Variants in FCHSD1 observed in about 807,000 individuals in gnomAD.
FCHSD1 encodes F-BAR and double SH3 domains protein 1.
A neutral mutation model predicts 101.3 loss-of-function variants in FCHSD1; 109 were observed. That is an observed-to-expected ratio of 1.08 (90% CI 0.92 to 1.26). The LOEUF (loss-of-function observed/expected upper bound fraction) is 1.26, where lower values mean the gene tolerates loss of function less well. Among genes scored for constraint, FCHSD1 ranks in the 50% most tolerant of loss-of-function variants. FCHSD1 has a pLI of 0.00. For missense variants in FCHSD1, 820 were observed against 895.8 expected (o/e 0.92, Z 1.08); for synonymous variants, 291 against 356.8 (o/e 0.82, Z 2.08).
rs560685318 is a variant in FCHSD1, at chr5:141,642,090, G to GT, written c.1952-334dup. 1,987 of 513,466 alleles carry GT rather than the reference G, an allele frequency of 3.9e-3. 13 individuals carry two copies. Among genetic ancestry groups the GT allele is most frequent in the Admixed American group, 0.011 (306 of 28,990 alleles). 31.8% of individuals were successfully genotyped at this position (513,466 alleles called of 1,614,324 possible). ...TGAACTTGGGGTGGTGGAGATGGTG[G>GT]TAACTCCAGGGAGGGAGACTCCTTG... is the stretch of plus-strand genomic sequence containing the variant. On this transcript the variant is annotated intron_variant, in intron 18 of 19. Coordinates refer to ENST00000435817, the MANE Select transcript of FCHSD1 (RefSeq NM_033449.3).
chr5:141,646,410 A>G, intron 11 of FCHSD1, 193 bp downstream of exon 11: 1 of 1,015,850 alleles, frequency 9.8e-7, no homozygotes, highest in Admixed American at 2.5e-5. Context: ...GAAGCAACAG[A>G]AGAGAATTTG....
At position 141,639,616 on chromosome 5, in the gene FCHSD1, G is replaced by A. The variant is rs769257857; in HGVS notation, c.*1882C>T. ...TCCAAGGAAGGAAAAAGCCGCCCCC[G>A]GACAGGGGAGACCACTGTGTTCTCT... On this transcript the variant is annotated 3_prime_UTR_variant, in exon 20 of 20. Transcript: ENST00000435817. This position sits in a 1 kb window ranked among gnomAD's most constrained non-coding sequence, Gnocchi z 4.4. 5.0e-6 allele frequency: 8 copies of A among 1,612,692 alleles called. No homozygotes were observed. Among genetic ancestry groups the A allele is most frequent in the Non-Finnish European group, 6.8e-6 (8 of 1,179,728 alleles).
rs2099906882 is a variant in FCHSD1 at position 141,641,353 on chromosome 5, G to A, written c.*145C>T. On this transcript the variant is annotated 3_prime_UTR_variant, in exon 20 of 20. Coordinates refer to ENST00000435817, the MANE Select transcript of FCHSD1 (RefSeq NM_033449.3). Reference sequence around the variant, plus strand: ...GGGTTCCAGCTCTAGAAATGGGAAGGGGCAAGTTTCCACCCTTGGAGGTGA... The same window carrying A: ...GGGTTCCAGCTCTAGAAATGGGAAGAGGCAAGTTTCCACCCTTGGAGGTGA... 1 of 658,558 alleles carries A rather than the reference G, an allele frequency of 1.5e-6. No homozygotes were observed. Among genetic ancestry groups the A allele is most frequent in the Non-Finnish European group, 2.4e-6 (1 of 414,924 alleles). 40.8% of individuals were successfully genotyped at this position (658,558 alleles called of 1,614,324 possible). A position where few individuals can be genotyped will look rare whatever the true frequency, so the allele number is the denominator to read the frequency against.
intron 17 of FCHSD1, among the ~76,000 whole-genome samples, chr5:141,643,379 T>C (rs2099907216): frequency 6.6e-6 from 1 of 152,230 alleles, no homozygotes; most frequent in South Asian, 2.1e-4. Flanking sequence ...ACTCCTATGT[T>C]AGAAGTGAGA....
chr5:141,648,239 C>T (rs534670534), intron 7 of FCHSD1, 143 bp from the exon 8 acceptor site: 19 of 1,003,144 alleles, frequency 1.9e-5, no homozygotes, highest in Non-Finnish European at 2.7e-5. Context: ...ATGTTGCATA[C>T]ACACAACTCC....
chr5:141,644,760 T>C, intron 15 of FCHSD1, 70 bp from the exon 16 acceptor site: 1 of 1,606,216 alleles, frequency 6.2e-7, no homozygotes, highest in Non-Finnish European at 8.5e-7. Flanking sequence ...TCTCTTCTAC[T>C]CAGGCTTCTA....
In FCHSD1 at chr5:141,647,852, T is replaced by C. The variant is rs7735382; in HGVS notation, c.705+116A>G. 3,919 of 1,408,792 alleles carry C rather than the reference T, an allele frequency of 2.8e-3. 82 individuals carry two copies. The African/African-American group carries it at 0.049, about 18-fold the overall frequency. 87.3% of individuals were successfully genotyped at this position (1,408,792 alleles called of 1,614,324 possible). On this transcript the variant is annotated intron_variant, in intron 8 of 19. Coordinates refer to ENST00000435817, the MANE Select transcript of FCHSD1 (RefSeq NM_033449.3). ...CAGAGTGCATGTATGTATCATCTAC[T>C]CACTCTAAACAGACAAGATCCCCTG...
At position 141,643,149 on chromosome 5, in the gene FCHSD1, C is replaced by CTCTCA. The variant is rs139107539; in HGVS notation, c.1864-66_1864-62dup. The CTCTCA allele has an allele frequency of 2.9e-3, 3,760 of 1,307,532 alleles. 86 individuals are homozygous for CTCTCA. The African/African-American group carries it at 0.052, about 18-fold the overall frequency. The allele number at this position is 1,307,532 out of a possible 1,614,324, so 81.0% of individuals were successfully genotyped here. A position where few individuals can be genotyped will look rare whatever the true frequency, so the allele number is the denominator to read the frequency against. Reference sequence around the variant, plus strand: ...TGTGGGGAGGTTTTACCAGCTTTTCCTCTCATCCCATCTCCAGTTCCTTCC... The same window carrying CTCTCA: ...TGTGGGGAGGTTTTACCAGCTTTTCCTCTCATCTCATCCCATCTCCAGTTCCTTCC... On this transcript the variant is annotated intron_variant, in intron 17 of 19. Transcript: ENST00000435817.
chr5:141,639,964 A>G lies in FCHSD1; in HGVS notation c.*1534T>C. ...GAGAAGCGCTATGGACTGCACGAAC[A>G]CCGTGATGGCTCCCCCACAGACAGG... On this transcript the variant is annotated 3_prime_UTR_variant, in exon 20 of 20. Transcript: ENST00000435817. This position sits in a 1 kb window ranked among gnomAD's most constrained non-coding sequence, Gnocchi z 4.4. The G allele has an allele frequency of 6.2e-7, 1 of 1,613,926 alleles. No individual in the cohort carries two copies. The highest frequency in any genetic ancestry group is 8.5e-7 in the Non-Finnish European group (1 of 1,179,992).
chr5:141,644,120 G>A, intron 17 of FCHSD1, 98 bp downstream of exon 17: 1 of 1,182,790 alleles, frequency 8.5e-7, no homozygotes, highest in African/African-American at 1.5e-5. Flanking sequence ...GGTAAAACTG[G>A]GGAGCAGAGG....
In FCHSD1 at chr5:141,649,504, A is replaced by T. The variant is rs746224402; in HGVS notation, c.266T>A (p.Leu89Gln). The T allele has an allele frequency of 4.3e-6, 7 of 1,613,376 alleles. No individual in the cohort carries two copies. The Admixed American group carries it at 1.2e-4, about 27-fold the overall frequency. ...GRTVFGAWRCLLDATVAGGQT... is the reference protein window; with the variant it reads ...GRTVFGAWRCQLDATVAGGQT... ...GCCCCCAGCCACGGTGGCATCCAGC[A>T]GGCAGCGCCAGGCACCGAACACTGT... is the stretch of plus-strand genomic sequence containing the variant. The change falls in exon 5 of 20, where the codon CTG becomes CAG. Residue 89 changes from leucine to glutamine, a missense_variant. By Grantham distance (113) the Leu-to-Gln change is moderately radical. Coordinates refer to ENST00000435817, the MANE Select transcript of FCHSD1 (RefSeq NM_033449.3). This position sits in a 1 kb window ranked among gnomAD's most constrained non-coding sequence, Gnocchi z 4.1.
At position 141,644,382 on chromosome 5, in the gene FCHSD1, A is replaced by C. The variant is rs376544377; in HGVS notation, c.1699T>G (p.Phe567Val). The change falls in exon 17 of 20, where the codon TTC becomes GTC. Residue 567 changes from phenylalanine (F) to valine (V), a missense_variant. By Grantham distance (50) the Phe-to-Val change is conservative (BLOSUM62 -1). Transcript: ENST00000435817. ...AGACGGATGAGTGCCCCCTCAGGGA[A>C]GCTCAGCTCCTCTGCACTCTGTCCG... ...YTGQSAEELS[F>V]PEGALIRLLP... 1 of 1,613,920 alleles carries C rather than the reference A, an allele frequency of 6.2e-7. No homozygotes were observed. The highest frequency in any genetic ancestry group is 8.5e-7 in the Non-Finnish European group (1 of 1,179,846).
rs202074054 is a variant in FCHSD1, at chr5:141,646,739, G to A, written c.925-17C>T. 3.5e-5 allele frequency: 57 copies of A among 1,609,774 alleles called. No individual in the cohort carries two copies. The South Asian group carries it at 5.8e-4, about 17-fold the overall frequency. On this transcript the variant is annotated splice_polypyrimidine_tract_variant and intron_variant, in intron 10 of 19. Coordinates refer to ENST00000435817, the MANE Select transcript of FCHSD1 (RefSeq NM_033449.3). ...GACACACACCTGAATGGGTCAGGGG[G>A]TGCTGTGAGGAGGACCTGAGGCTGC...
chr5:141,644,188 TG>T, intron 17 of FCHSD1, 29 bp downstream of exon 17: 1 of 1,583,240 alleles, frequency 6.3e-7, no homozygotes, highest in Non-Finnish European at 8.6e-7. Context: ...CAGAGGTGCC[TG>T]GGGAGTTCAG....
Position 141,640,086 on chromosome 5 carries a change from CCT to C in FCHSD1, c.*1410_*1411del. On this transcript the variant is annotated 3_prime_UTR_variant, in exon 20 of 20. Transcript: ENST00000435817. ...GATGCCTGCCATGGAGAGGCTGCCC[CCT>C]GAGAGGCCACAGCCCCAGGTCCTAG... 1.2e-6 allele frequency: 2 copies of C among 1,613,584 alleles called. No homozygotes were observed. Among genetic ancestry groups the C allele is most frequent in the Non-Finnish European group, 1.7e-6 (2 of 1,179,800 alleles).
intron 18 of FCHSD1, 39 bp downstream of exon 18, chr5:141,642,962 T>A (rs1438950734): frequency 1.1e-5 from 17 of 1,537,518 alleles, no homozygotes; most frequent in Non-Finnish European, 1.5e-5. Context: ...CTTCTTCCTG[T>A]CTGTTAGCCT....
chr5:141,650,422 C>T lies in FCHSD1; in HGVS notation c.120-18G>A, dbSNP rs561128514. On this transcript the variant is annotated intron_variant, in intron 2 of 19. Transcript: ENST00000435817. ...TGTAGGATCTGCGGAGATTGCAGGT[C>T]GGGGGTGAGGTGGGGGATAAGGTTA... is the stretch of plus-strand genomic sequence containing the variant. 21 of 1,613,714 alleles carry T rather than the reference C, an allele frequency of 1.3e-5. No homozygotes were observed. The East Asian group carries it at 1.3e-4, about 10-fold the overall frequency.
Position 141,649,388 on chromosome 5 carries a change from G to C in FCHSD1, c.375+7C>G, listed in dbSNP as rs775140214. The stretch of plus-strand genomic sequence containing the variant: ...GCTCTTCCTTCACCCCAACCTCTGA[G>C]CCATACCTTCCTAAGCACCTGCTCC... On this transcript the variant is annotated splice_region_variant and intron_variant, in intron 5 of 19. Coordinates refer to ENST00000435817, the MANE Select transcript of FCHSD1 (RefSeq NM_033449.3). This position sits in a 1 kb window ranked among gnomAD's most constrained non-coding sequence, Gnocchi z 4.1. 6.2e-7 allele frequency: 1 copy of C among 1,613,928 alleles called. No homozygotes were observed. The highest frequency in any genetic ancestry group is 8.5e-7 in the Non-Finnish European group (1 of 1,179,850).
At position 141,649,455 on chromosome 5, in the gene FCHSD1, G is replaced by T. The variant is rs779213216; in HGVS notation, c.315C>A (p.Asp105Glu). The change falls in exon 5 of 20, where the codon GAC becomes GAA. Residue 105 changes from aspartate (D) to glutamate (E), a missense_variant. Asp to Glu is a conservative substitution (Grantham distance 45). Transcript: ENST00000435817. This position sits in a 1 kb window ranked among gnomAD's most constrained non-coding sequence, Gnocchi z 4.1. Reference protein sequence around the residue: ...AGGQTRLQASDRYRDLAGGTG... With the variant: ...AGGQTRLQASERYRDLAGGTG... ...TACCCCCTGCTAGGTCACGGTATCG[G>T]TCAGACGCCTGGAGTCGGGTTTGGC... 19 of 1,613,862 alleles carry T rather than the reference G, an allele frequency of 1.2e-5. No homozygotes were observed. The Admixed American group carries it at 1.8e-4, about 16-fold the overall frequency.
Sources: gnomAD v4.1 joint callset for allele counts (sites outside exome capture counted in the v4.1 genomes callset) on GRCh38, gnomAD v4.1.1 for gene constraint, Gnocchi (gnomAD v3.1) non-coding constraint, MANE v1.5 for transcripts, NCBI Gene and HGNC (gene_info 2026-07-23, HGNC 2026-07-21) for gene names.